The following TMEM154 variants were observed in gnomAD, a reference collection of about 807,000 sequenced individuals.
TMEM154 encodes the protein transmembrane protein 154.
Under a neutral mutation model 24.5 loss-of-function variants are expected in TMEM154, and 27 were observed. That is an observed-to-expected ratio of 1.10 (90% CI 0.81 to 1.52). The LOEUF is 1.52. TMEM154 is among the 40% of genes most tolerant of loss of function. The probability of loss-of-function intolerance (pLI) is 0.00; values close to 1 mark genes in which losing one functional copy is unlikely to be tolerated. For missense variants in TMEM154, 228 were observed against 213.4 expected (o/e 1.07, Z -0.43); for synonymous variants, 67 against 76.8 (o/e 0.87, Z 0.67).
chr4:152,625,428 A>C lies in TMEM154; in HGVS notation c.*3118T>G, dbSNP rs1220673756. Reference sequence around the variant, plus strand: ...GCCAGACACAGTGGCTCACAATTGTAATCCAGCACTTTGGGAGGCCGAGGC... The same window carrying C: ...GCCAGACACAGTGGCTCACAATTGTCATCCAGCACTTTGGGAGGCCGAGGC... On this transcript the variant is annotated 3_prime_UTR_variant, in exon 7 of 7. Coordinates refer to ENST00000304385, the MANE Select transcript of TMEM154 (RefSeq NM_152680.3). 1 of 152,520 alleles carries C rather than the reference A, an allele frequency of 6.6e-6. No individual in the cohort carries two copies. The highest frequency in any genetic ancestry group is 2.4e-5 in the African/African-American group (1 of 41,466). The allele number at this position is 152,520 out of a possible 1,614,324, so 9.4% of individuals were successfully genotyped here. A position where few individuals can be genotyped will look rare whatever the true frequency, so the allele number is the denominator to read the frequency against.
chr4:152,641,014 T>C (rs776819836), intron 5 of TMEM154, 29 bp from the exon 6 acceptor site: 1 of 1,596,352 alleles, frequency 6.3e-7, no homozygotes, highest in Non-Finnish European at 8.5e-7. Flanking sequence ...AAACTCATTG[T>C]TAGTTACTGA....
chr4:152,641,903 CTTTTTTTTTTT>C (rs780465309), intron 5 of TMEM154, among the ~76,000 whole-genome samples: 34 of 41,470 alleles, frequency 8.2e-4, no homozygotes, highest in African/African-American at 2.2e-3. Flanking sequence ...AGCAATAATT[CTTTTTTTTTTT>C]TTTTTTTTTT....
intron 1 of TMEM154, among the ~76,000 whole-genome samples, chr4:152,679,536 G>GTT (rs11387677): frequency 0.011 from 1,647 of 150,512 alleles, 18 homozygotes; most frequent in Non-Finnish European, 0.014. Context: ...TGAAGCTTTT[G>GTT]TTTTTTTTTA....
chr4:152,634,211 A>G (rs1226282156), intron 6 of TMEM154, among the ~76,000 whole-genome samples: 1 of 152,120 alleles, frequency 6.6e-6, no homozygotes, highest in Non-Finnish European at 1.5e-5. Context: ...CAACTGTAAT[A>G]CCTTGTTTCA....
chr4:152,641,014 T>A, intron 5 of TMEM154, 29 bp from the exon 6 acceptor site: 1 of 1,596,352 alleles, frequency 6.3e-7, no homozygotes, highest in Non-Finnish European at 8.5e-7. Context: ...AAACTCATTG[T>A]TAGTTACTGA....
intron 3 of TMEM154, among the ~76,000 whole-genome samples, chr4:152,648,712 T>C (rs1435316207): frequency 6.6e-6 from 1 of 152,308 alleles, no homozygotes; most frequent in East Asian, 1.9e-4. Flanking sequence ...CGCTTGTAAA[T>C]GGCTTTTGAA....
Position 152,620,980 on chromosome 4 carries a change from C to T in TMEM154, c.*7566G>A, listed in dbSNP as rs1375451610. 6.6e-6 allele frequency: 1 copy of T among 152,204 alleles called. No homozygotes were observed. Among genetic ancestry groups the T allele is most frequent in the Non-Finnish European group, 1.5e-5 (1 of 68,044 alleles). The allele number at this position is 152,204 out of a possible 1,614,324, so 9.4% of individuals were successfully genotyped here. A position where few individuals can be genotyped will look rare whatever the true frequency, so the allele number is the denominator to read the frequency against. On this transcript the variant is annotated 3_prime_UTR_variant, in exon 7 of 7. Coordinates refer to ENST00000304385, the MANE Select transcript of TMEM154 (RefSeq NM_152680.3). ...GATGATGTATGTTTAGTGTTTAGCA[C>T]CTTCTGGCCAGGGTGGCTACCTCTT...
chr4:152,634,561 T>C lies in TMEM154; in HGVS notation c.537-6000A>G, dbSNP rs540336006. ...TCAGAGGCAAGCCTAGTCATGCACA[T>C]AGATCATGCCCGTGTTGTGGATATA... On this transcript the variant is annotated intron_variant, in intron 6 of 6. Transcript: ENST00000304385. Among the ~76,000 whole-genome samples the C allele has an allele frequency of 1.6e-4, 25 of 152,346 alleles. 1 individual carries two copies. In the South Asian group the frequency reaches 5.0e-3, roughly 30 times the overall value.
rs4696333 is a variant in TMEM154 at position 152,643,180 on chromosome 4, A to G, written c.393-7T>C. On this transcript the variant is annotated splice_polypyrimidine_tract_variant and splice_region_variant and intron_variant, in intron 4 of 6. Coordinates refer to ENST00000304385, the MANE Select transcript of TMEM154 (RefSeq NM_152680.3). ...ATCTTCCTCAAAAATAGGGCTAGAA[A>G]TAGAGAGCAAAAGACTTGTTAGAAA... is the stretch of plus-strand genomic sequence containing the variant. 0.074 allele frequency: 117,786 copies of G among 1,590,728 alleles called. 4,918 individuals carry two copies. The highest frequency in any genetic ancestry group is 0.12 in the African/African-American group (8,830 of 73,840).
At chr4:152,659,182 T>TA (rs1244694532) in intron 1 of TMEM154, among the ~76,000 whole-genome samples, 2 of 152,270 alleles carry the variant, frequency 1.3e-5, no homozygotes, top group African/African-American at 2.4e-5. Flanking sequence ...TATTCAGTCA[T>TA]AAAAAAGAAT....
chr4:152,628,304 C>T lies in TMEM154; in HGVS notation c.*242G>A. 1 of 648,734 alleles carries T rather than the reference C, an allele frequency of 1.5e-6. No homozygotes were observed. The highest frequency in any genetic ancestry group is 2.6e-6 in the Non-Finnish European group (1 of 381,520). 40.2% of individuals were successfully genotyped at this position (648,734 alleles called of 1,614,324 possible). Reference sequence around the variant, plus strand: ...AGCACATCACCCGCCTCCTTCTCCACCCTCAGAGGCAGCGATGGATGGCAG... The same window carrying T: ...AGCACATCACCCGCCTCCTTCTCCATCCTCAGAGGCAGCGATGGATGGCAG... On this transcript the variant is annotated 3_prime_UTR_variant, in exon 7 of 7. Coordinates refer to ENST00000304385, the MANE Select transcript of TMEM154 (RefSeq NM_152680.3).
At position 152,624,347 on chromosome 4, in the gene TMEM154, C is replaced by T. The variant is rs1468269144; in HGVS notation, c.*4199G>A. Reference sequence around the variant, plus strand: ...AGTTATGGTGGCTCACACCTGTAATCCCAGGACTTTTGGAGGCTGTGGTGG... The same window carrying T: ...AGTTATGGTGGCTCACACCTGTAATTCCAGGACTTTTGGAGGCTGTGGTGG... On this transcript the variant is annotated 3_prime_UTR_variant, in exon 7 of 7. Coordinates refer to ENST00000304385, the MANE Select transcript of TMEM154 (RefSeq NM_152680.3). 6.6e-6 allele frequency: 1 copy of T among 152,140 alleles called. No homozygotes were observed. Among genetic ancestry groups the T allele is most frequent in the Non-Finnish European group, 1.5e-5 (1 of 68,058 alleles). 9.4% of individuals were successfully genotyped at this position (152,140 alleles called of 1,614,324 possible).
chr4:152,664,373 G>GT lies in TMEM154; in HGVS notation c.65-11447dup, dbSNP rs1433370909. Among the ~76,000 whole-genome samples, 38 of 144,060 alleles carry GT rather than the reference G, an allele frequency of 2.6e-4. 1 individual carries two copies. The highest frequency in any genetic ancestry group is 1.8e-3 in the Admixed American group (27 of 14,648). 94.5% of individuals were successfully genotyped at this position (144,060 alleles called of 152,430 possible). On this transcript the variant is annotated intron_variant, in intron 1 of 6. Transcript: ENST00000304385. ...GGAACAACACACACTGGGGCCTGTC[G>GT]TGGCGGGGGGGTACAAGGGGAGGGA... is the stretch of plus-strand genomic sequence containing the variant.
chr4:152,634,462 T>C (rs1752109702), intron 6 of TMEM154, among the ~76,000 whole-genome samples: 3 of 152,214 alleles, frequency 2.0e-5, no homozygotes, highest in Admixed American at 2.0e-4. Flanking sequence ...TTCTCTTCAA[T>C]AGAATGTCCT....
At position 152,654,214 on chromosome 4, in the gene TMEM154, A is replaced by G. The variant is rs563829357; in HGVS notation, c.65-1287T>C. On this transcript the variant is annotated intron_variant, in intron 1 of 6. Coordinates refer to ENST00000304385, the MANE Select transcript of TMEM154 (RefSeq NM_152680.3). ...CGTATAATGTTGTCTACCTTTCAGAAGGGGCCAACTGAGGAAAATACCTCG... is the reference window on the plus strand; with the variant it reads ...CGTATAATGTTGTCTACCTTTCAGAGGGGGCCAACTGAGGAAAATACCTCG... 1.5e-3 allele frequency among the ~76,000 whole-genome samples: 230 copies of G among 152,338 alleles called. 2 individuals are homozygous for G. The South Asian group carries it at 0.021, about 14-fold the overall frequency.
chr4:152,635,830 A>G (rs566362750), intron 6 of TMEM154, among the ~76,000 whole-genome samples: 26 of 152,392 alleles, frequency 1.7e-4, no homozygotes, highest in African/African-American at 6.0e-4. Flanking sequence ...CTGTATTTTC[A>G]AAATTATAAA....
At position 152,657,684 on chromosome 4, in the gene TMEM154, G is replaced by A. The variant is rs1431758234; in HGVS notation, c.65-4757C>T. Among the ~76,000 whole-genome samples, 4 of 152,062 alleles carry A rather than the reference G, an allele frequency of 2.6e-5. No individual in the cohort carries two copies. In the East Asian group the frequency reaches 5.8e-4, roughly 22 times the overall value. ...TATAGTCAAACTGTCAAACATCAAA[G>A]ACAAAGAAATAATCTAAAATCAGCA... On this transcript the variant is annotated intron_variant, in intron 1 of 6. Transcript: ENST00000304385.
Position 152,628,219 on chromosome 4 carries a change from G to A in TMEM154, c.*327C>T. ...AGGTGACGAACATTTATCATGACCA[G>A]AGTGAGTTCAGTGAGCTAGAAGTTG... On this transcript the variant is annotated 3_prime_UTR_variant, in exon 7 of 7. Transcript: ENST00000304385. 4.9e-6 allele frequency: 2 copies of A among 404,830 alleles called. No individual in the cohort carries two copies. The highest frequency in any genetic ancestry group is 8.3e-5 in the Admixed American group (2 of 24,026). The allele number at this position is 404,830 out of a possible 1,614,324, so 25.1% of individuals were successfully genotyped here. A position where few individuals can be genotyped will look rare whatever the true frequency, so the allele number is the denominator to read the frequency against.
chr4:152,645,972 CACACACAG>C (rs1187382980), intron 3 of TMEM154, among the ~76,000 whole-genome samples: 3 of 148,478 alleles, frequency 2.0e-5, no homozygotes, highest in African/African-American at 2.5e-5. Flanking sequence ...CACACACACA[CACACACAG>C]ACACCACAAA....
Sources: allele counts gnomAD v4.1 joint callset (sites outside exome capture counted in the v4.1 genomes callset), GRCh38; gene constraint gnomAD v4.1.1; transcripts MANE v1.5; gene names NCBI Gene and HGNC (gene_info 2026-07-23, HGNC 2026-07-21).